DPYD: variants seen among roughly 807,000 people sequenced by gnomAD.
The protein encoded by DPYD is dihydropyrimidine dehydrogenase [NADP(+)].
Under a neutral mutation model 116.2 loss-of-function variants are expected in DPYD, and 109 were observed. The observed-to-expected ratio is 0.94, with a 90% CI of 0.80 to 1.10. The LOEUF (loss-of-function observed/expected upper bound fraction) is 1.10, where lower values mean the gene tolerates loss of function less well. Among genes scored for constraint, DPYD ranks in the 50% least tolerant of loss-of-function variants. The pLI is 0.00. For synonymous variants in DPYD, 440 were observed against 432.0 expected, an observed-to-expected ratio of 1.02 and a Z score of -0.23; for missense variants, 1,302 against 1,254.5, an observed-to-expected ratio of 1.04 and a Z score of -0.57.
At chr1:97,454,534 A>G (rs1354472260) in intron 13 of DPYD, among the ~76,000 whole-genome samples, 1 of 151,932 alleles carries the variant, frequency 6.6e-6, no homozygotes, top group Admixed American at 6.6e-5. Flanking sequence ...TCAGTGCATT[A>G]ACGATATTCA....
At chr1:97,898,237 A>G (rs987407515) in intron 1 of DPYD, among the ~76,000 whole-genome samples, 1 of 151,692 alleles carries the variant, frequency 6.6e-6, no homozygotes, top group Non-Finnish European at 1.5e-5. Context: ...ATTTTCCCAC[A>G]TGCGTATACT....
chr1:97,271,953 C>T (rs942423869), intron 18 of DPYD, among the ~76,000 whole-genome samples: 3 of 152,094 alleles, frequency 2.0e-5, no homozygotes, highest in Non-Finnish European at 2.9e-5. Flanking sequence ...AAACTGATAC[C>T]GTAAGTAATT....
intron 18 of DPYD, among the ~76,000 whole-genome samples, chr1:97,295,243 G>GC (rs1666450987): frequency 6.6e-6 from 1 of 152,042 alleles, no homozygotes; most frequent in Non-Finnish European, 1.5e-5. Flanking sequence ...AAAGTTCTGG[G>GC]CACATAAAGA....
chr1:97,452,696 G>A (rs899539388), intron 13 of DPYD, among the ~76,000 whole-genome samples: 1 of 151,992 alleles, frequency 6.6e-6, no homozygotes, highest in African/African-American at 2.4e-5. Context: ...GTGAGTTCTT[G>A]TAAGATGTGG....
intron 20 of DPYD, among the ~76,000 whole-genome samples, chr1:97,099,094 C>T (rs11165779): frequency 0.11 from 16,637 of 152,038 alleles, 1,353 homozygotes; most frequent in African/African-American, 0.23. Context: ...AAAGGTACTT[C>T]GCCAAAGTTC....
At chr1:97,432,190 G>C (rs1175154740) in intron 14 of DPYD, among the ~76,000 whole-genome samples, 1 of 152,030 alleles carries the variant, frequency 6.6e-6, no homozygotes, top group African/African-American at 2.4e-5. Context: ...ATATCTCTTT[G>C]ATATAGTGAT....
chr1:97,902,783 T>A (rs376228575), intron 1 of DPYD, among the ~76,000 whole-genome samples: 6 of 151,966 alleles, frequency 3.9e-5, no homozygotes, highest in African/African-American at 1.4e-4. Context: ...TAAAGGAGCA[T>A]ACTAAACAAA....
chr1:97,803,398 C>G (rs910759187), intron 3 of DPYD, among the ~76,000 whole-genome samples: 3 of 151,824 alleles, frequency 2.0e-5, no homozygotes, highest in African/African-American at 7.2e-5. Flanking sequence ...CCTGAATTAT[C>G]ATTTGTCATG....
intron 20 of DPYD, among the ~76,000 whole-genome samples, chr1:97,137,827 A>T (rs1206703847): frequency 2.0e-5 from 3 of 152,148 alleles, no homozygotes; most frequent in African/African-American, 7.2e-5. Flanking sequence ...ATCTCTGGCT[A>T]CACAATTGTA....
chr1:97,478,583 G>C (rs575118406), intron 13 of DPYD, among the ~76,000 whole-genome samples: 2 of 152,322 alleles, frequency 1.3e-5, no homozygotes, highest in South Asian at 4.1e-4. Flanking sequence ...ACCACGCTCA[G>C]CCAATTTAGC....
chr1:97,191,397 A>C (rs977180436), intron 20 of DPYD, among the ~76,000 whole-genome samples: 1 of 152,112 alleles, frequency 6.6e-6, no homozygotes, highest in African/African-American at 2.4e-5. Context: ...TTATTCCTCA[A>C]GTTAGTGTTG....
At chr1:97,313,855 A>G (rs1667658838) in intron 16 of DPYD, among the ~76,000 whole-genome samples, 1 of 151,966 alleles carries the variant, frequency 6.6e-6, no homozygotes, top group South Asian at 2.1e-4. Flanking sequence ...CTACTAGACT[A>G]TTAGTCTTTT....
intron 8 of DPYD, among the ~76,000 whole-genome samples, chr1:97,670,013 C>G (rs1218173965): frequency 2.0e-4 from 30 of 152,080 alleles, no homozygotes; most frequent in Admixed American, 2.0e-3. Context: ...TCTCCTAGCT[C>G]TATTTGAAAA....
intron 18 of DPYD, among the ~76,000 whole-genome samples, chr1:97,273,498 T>C (rs1389281068): frequency 3.3e-5 from 5 of 152,308 alleles, no homozygotes; most frequent in East Asian, 1.9e-4. Context: ...GTTAAACCTT[T>C]AAAGTGTAAA....
chr1:97,133,043 T>G (rs1364425439), intron 20 of DPYD, among the ~76,000 whole-genome samples: 10 of 152,054 alleles, frequency 6.6e-5, no homozygotes, highest in African/African-American at 2.2e-4. Context: ...TTCAATTTTT[T>G]AAAAAACTAG....
chr1:97,590,211 G>C (rs1369626572), intron 10 of DPYD, among the ~76,000 whole-genome samples: 1 of 151,964 alleles, frequency 6.6e-6, no homozygotes. Flanking sequence ...TATTACCCCT[G>C]GTAAGAGAAT....
At chr1:97,864,183 T>G (rs1456960952) in intron 2 of DPYD, among the ~76,000 whole-genome samples, 1 of 152,030 alleles carries the variant, frequency 6.6e-6, no homozygotes, top group Non-Finnish European at 1.5e-5. Flanking sequence ...GTTTTGTTAT[T>G]TTCCAAATGT....
intron 14 of DPYD, among the ~76,000 whole-genome samples, chr1:97,429,427 A>G (rs1239446306): frequency 2.0e-5 from 3 of 152,080 alleles, no homozygotes; most frequent in African/African-American, 7.2e-5. Flanking sequence ...TTAATCATAA[A>G]CAGAAAGAAG....
intron 8 of DPYD, among the ~76,000 whole-genome samples, chr1:97,597,965 T>TA (rs1044378033): frequency 1.1e-4 from 16 of 152,036 alleles, no homozygotes; most frequent in Middle Eastern, 3.2e-3. Flanking sequence ...TTAAAAATGT[T>TA]AAAAAAATTA....
Sources: gnomAD v4.1 joint callset for allele counts (sites outside exome capture counted in the v4.1 genomes callset) on GRCh38, gnomAD v4.1.1 for gene constraint, MANE v1.5 for transcripts, NCBI Gene and HGNC (gene_info 2026-07-23, HGNC 2026-07-21) for gene names.